Variants in ASAP2 observed in about 807,000 individuals in gnomAD.
ASAP2 encodes the protein ArfGAP with SH3 domain, ankyrin repeat and PH domain 2, also known as arf-GAP with SH3 domain, ANK repeat and PH domain-containing protein 2.
ASAP2 carries 45 observed loss-of-function variants against 131.4 expected under a neutral mutation model. The ratio of observed to expected loss-of-function variants is 0.34; its 90% confidence interval spans 0.27 to 0.44. ASAP2 has a LOEUF of 0.44. ASAP2 is among the 20% of genes least tolerant of loss of function. The probability of loss-of-function intolerance (pLI) is 1.00; values close to 1 mark genes in which losing one functional copy is unlikely to be tolerated. For missense variants in ASAP2, 1,011 were observed against 1,297.0 expected (o/e 0.78, Z 3.39); for synonymous variants, 510 against 503.0 (o/e 1.01, Z -0.19).
chr2:9,343,662 G>C (rs564587607), intron 9 of ASAP2, among the ~76,000 whole-genome samples: 1 of 152,290 alleles, frequency 6.6e-6, no homozygotes, highest in African/African-American at 2.4e-5. Context: ...GCCTAAGCTG[G>C]TCTTGAACTC....
intron 17 of ASAP2, among the ~76,000 whole-genome samples, chr2:9,376,494 C>A (rs1203517356): frequency 6.6e-6 from 1 of 152,130 alleles, no homozygotes; most frequent in Non-Finnish European, 1.5e-5. Flanking sequence ...AAACTTTAAG[C>A]CTGCTTAAGA....
chr2:9,208,742 T>C (rs1286183354), intron 1 of ASAP2, among the ~76,000 whole-genome samples: 1 of 152,160 alleles, frequency 6.6e-6, no homozygotes, highest in Non-Finnish European at 1.5e-5. Flanking sequence ...TGAATGAAAT[T>C]TTTTCCTAAG....
chr2:9,225,004 C>T (rs1339955859), intron 1 of ASAP2, among the ~76,000 whole-genome samples: 1 of 152,196 alleles, frequency 6.6e-6, no homozygotes, highest in Admixed American at 6.5e-5. Flanking sequence ...TAAGTTGGAA[C>T]ATTGCAGATG....
chr2:9,386,928 A>G (rs539220110), intron 21 of ASAP2, among the ~76,000 whole-genome samples: 4 of 152,308 alleles, frequency 2.6e-5, no homozygotes, highest in South Asian at 4.1e-4. Context: ...TGACCGGCCG[A>G]GCGCGGGGGC....
chr2:9,207,359 C>A lies in ASAP2; in HGVS notation c.126+129C>A. 1 of 1,291,526 alleles carries A rather than the reference C, an allele frequency of 7.7e-7. No individual in the cohort carries two copies. Among genetic ancestry groups the A allele is most frequent in the Non-Finnish European group, 1.0e-6 (1 of 985,780 alleles). 80.0% of individuals were successfully genotyped at this position (1,291,526 alleles called of 1,614,324 possible). A position where few individuals can be genotyped will look rare whatever the true frequency, so the allele number is the denominator to read the frequency against. On this transcript the variant is annotated intron_variant, in intron 1 of 27. Coordinates refer to ENST00000281419, the MANE Select transcript of ASAP2 (RefSeq NM_003887.3). This position sits in a 1 kb window ranked among gnomAD's most constrained non-coding sequence, Gnocchi z 4.1. ...CCGGACGCGGCCGGGCCAACCCTGCCCGAGACAGAAGCCCTTTGTTCCCGC... is the reference window on the plus strand; with the variant it reads ...CCGGACGCGGCCGGGCCAACCCTGCACGAGACAGAAGCCCTTTGTTCCCGC...
In ASAP2 at chr2:9,297,285, G is replaced by C. The variant is rs369207362; in HGVS notation, c.200-15G>C. ...CATGCCTGAGACTCACAGCACCTCC[G>C]TCATTCTGTTGCAGCTCACGTGGAA... On this transcript the variant is annotated splice_polypyrimidine_tract_variant and intron_variant, in intron 2 of 27. Transcript: ENST00000281419. 1 of 1,612,060 alleles carries C rather than the reference G, an allele frequency of 6.2e-7. No homozygotes were observed. Among genetic ancestry groups the C allele is most frequent in the Non-Finnish European group, 8.5e-7 (1 of 1,178,334 alleles).
At chr2:9,307,401 A>C (rs1669013915) in intron 3 of ASAP2, among the ~76,000 whole-genome samples, 1 of 152,168 alleles carries the variant, frequency 6.6e-6, no homozygotes, top group South Asian at 2.1e-4. Context: ...GCTACTTCCT[A>C]AACCTGGATT....
At chr2:9,320,652 CTT>C (rs1670095392) in intron 5 of ASAP2, among the ~76,000 whole-genome samples, 1 of 152,200 alleles carries the variant, frequency 6.6e-6, no homozygotes, top group Non-Finnish European at 1.5e-5. Flanking sequence ...TTTTTAAACA[CTT>C]TGTCCATTCC....
chr2:9,323,387 G>C, intron 6 of ASAP2, 137 bp downstream of exon 6: 1 of 1,332,808 alleles, frequency 7.5e-7, no homozygotes, highest in South Asian at 1.5e-5. Context: ...CCCCTGTGTT[G>C]ACATTTCTTT....
chr2:9,242,606 TG>T (rs1484079128), intron 1 of ASAP2, among the ~76,000 whole-genome samples: 1 of 152,236 alleles, frequency 6.6e-6, no homozygotes, highest in Non-Finnish European at 1.5e-5. Context: ...CTGCTGGGGC[TG>T]ATAGCTGGTC....
rs112575096 is a variant in ASAP2 at position 9,330,732 on chromosome 2, A to G, written c.686+2821A>G. 4.7e-3 allele frequency among the ~76,000 whole-genome samples: 710 copies of G among 152,184 alleles called. 4 individuals carry two copies. Among genetic ancestry groups the G allele is most frequent in the African/African-American group, 0.016 (685 of 41,518 alleles). ...GGAAGTGGGTCGCTTCCTTGCTGAT[A>G]TTTTATTTTTAAGAAGAAGCTATTC... On this transcript the variant is annotated intron_variant, in intron 7 of 27. Coordinates refer to ENST00000281419, the MANE Select transcript of ASAP2 (RefSeq NM_003887.3).
At chr2:9,283,385 T>C (rs1667258040) in intron 2 of ASAP2, among the ~76,000 whole-genome samples, 1 of 152,228 alleles carries the variant, frequency 6.6e-6, no homozygotes, top group Admixed American at 6.5e-5. Context: ...TAAAATGAGT[T>C]GGCTTAAAAT....
intron 20 of ASAP2, among the ~76,000 whole-genome samples, chr2:9,384,915 CAGG>C: frequency 6.6e-6 from 1 of 152,350 alleles, no homozygotes; most frequent in East Asian, 1.9e-4. Flanking sequence ...TGCCTTGGGG[CAGG>C]AGAAGTTCAG....
At chr2:9,238,986 A>T (rs1465120688) in intron 1 of ASAP2, among the ~76,000 whole-genome samples, 1 of 152,044 alleles carries the variant, frequency 6.6e-6, no homozygotes, top group African/African-American at 2.4e-5. Flanking sequence ...CGCAGCCTGG[A>T]GGGGTAGAGA....
chr2:9,292,129 T>C (rs1409594048), intron 2 of ASAP2, among the ~76,000 whole-genome samples: 2 of 152,024 alleles, frequency 1.3e-5, no homozygotes, highest in Non-Finnish European at 2.9e-5. Context: ...TCAGGATCCA[T>C]GGAATGAAAG....
At chr2:9,387,027 A>C (rs1572611344) in intron 21 of ASAP2, among the ~76,000 whole-genome samples, 1 of 142,056 alleles carries the variant, frequency 7.0e-6, no homozygotes, top group African/African-American at 2.6e-5. Context: ...ACACGGTGAA[A>C]CCCCGTCTCT....
intron 14 of ASAP2, 41 bp from the exon 15 acceptor site, chr2:9,358,715 T>A: frequency 6.3e-7 from 1 of 1,596,332 alleles, no homozygotes; most frequent in Non-Finnish European, 8.5e-7. Context: ...CTGACCCTCT[T>A]TTTTACTGGA....
chr2:9,293,558 T>G (rs1667951787), intron 2 of ASAP2, among the ~76,000 whole-genome samples: 1 of 152,376 alleles, frequency 6.6e-6, no homozygotes, highest in Admixed American at 6.5e-5. Flanking sequence ...GTTTTAAGGT[T>G]GTTTTTGGCA....
At chr2:9,240,474 G>A (rs532890924) in intron 1 of ASAP2, among the ~76,000 whole-genome samples, 2 of 152,028 alleles carry the variant, frequency 1.3e-5, no homozygotes, top group African/African-American at 4.8e-5. Context: ...TCAAACTCCT[G>A]GACTGGAGCG....
Sources: gnomAD v4.1 joint callset for allele counts (sites outside exome capture counted in the v4.1 genomes callset) on GRCh38, gnomAD v4.1.1 for gene constraint, Gnocchi (gnomAD v3.1) non-coding constraint, MANE v1.5 for transcripts, NCBI Gene and HGNC (gene_info 2026-07-23, HGNC 2026-07-21) for gene names.